Variants in FBXL17 observed in about 807,000 individuals in gnomAD.
FBXL17 encodes the protein F-box/LRR-repeat protein 17.
A neutral mutation model predicts 66.2 loss-of-function variants in FBXL17; 22 were observed. The ratio of observed to expected loss-of-function variants is 0.33; its 90% confidence interval spans 0.24 to 0.47. The LOEUF (loss-of-function observed/expected upper bound fraction) is 0.47. Ranked by LOEUF, FBXL17 falls within the 20% of genes least tolerant of loss-of-function variation. The pLI is 1.00. For missense variants in FBXL17, 878 were observed against 948.2 expected (o/e 0.93, Z 0.97); for synonymous variants, 474 against 400.5 (o/e 1.18, Z -2.19).
At chr5:108,140,355 T>A (rs1751304801) in intron 6 of FBXL17, among the ~76,000 whole-genome samples, 1 of 152,190 alleles carries the variant, frequency 6.6e-6, no homozygotes, top group Admixed American at 6.5e-5. Context: ...ACCCACCATG[T>A]CTTTTGCTAA....
intron 7 of FBXL17, among the ~76,000 whole-genome samples, chr5:107,953,218 C>T (rs545723806): frequency 5.3e-5 from 8 of 151,834 alleles, no homozygotes; most frequent in African/African-American, 7.2e-5. Flanking sequence ...CTGGCTAACA[C>T]GGTGAAACCC....
At chr5:108,301,909 T>C (rs1758607676) in intron 4 of FBXL17, 3 of 379,760 alleles carry the variant, frequency 7.9e-6, no homozygotes, top group Non-Finnish European at 1.1e-5. Context: ...AATCCAGATA[T>C]GTCTCATTCT....
At chr5:107,904,317 C>T (rs2112536892) in intron 7 of FBXL17, among the ~76,000 whole-genome samples, 1 of 152,248 alleles carries the variant, frequency 6.6e-6, no homozygotes, top group Middle Eastern at 3.4e-3. Flanking sequence ...ATCAGTAACT[C>T]ACTATTGATC....
At chr5:108,021,076 G>T in intron 6 of FBXL17, 75 bp from the exon 7 acceptor site, 2 of 1,062,896 alleles carry the variant, frequency 1.9e-6, no homozygotes, top group Non-Finnish European at 2.9e-6. Flanking sequence ...AATAGGAAGA[G>T]GTCAGTATTT....
intron 5 of FBXL17, among the ~76,000 whole-genome samples, chr5:108,213,639 T>C (rs1307873917): frequency 6.6e-6 from 1 of 152,072 alleles, no homozygotes; most frequent in Non-Finnish European, 1.5e-5. Flanking sequence ...CCAGTCCCAG[T>C]GAGATGAACC....
chr5:108,288,985 T>C (rs77937649), intron 4 of FBXL17, among the ~76,000 whole-genome samples: 4,469 of 152,204 alleles, frequency 0.029, 473 homozygotes, highest in East Asian at 0.24. Flanking sequence ...ATGTTCACTA[T>C]TGATGCCATT....
At chr5:107,933,889 T>C (rs1366041452) in intron 7 of FBXL17, among the ~76,000 whole-genome samples, 3 of 152,112 alleles carry the variant, frequency 2.0e-5, no homozygotes, top group Non-Finnish European at 4.4e-5. Context: ...TGTGAACTCA[T>C]ATCCCCCATG....
rs957814060 is a variant in FBXL17 at position 108,224,196 on chromosome 5, T to C, written c.1539A>G (p.Glu513=). Residue 513 remains glutamate (E), a synonymous_variant, in exon 5 of 9, where the codon GAA becomes GAG. Transcript: ENST00000542267. ...VTDQSVKAFA[E]HCPELQYVGF... ...CTACATATTGAAGCTCAGGACAGTG[T>C]TCAGCAAATGCTTTCACTGACTGAT... 3.7e-6 allele frequency: 6 copies of C among 1,609,786 alleles called. No homozygotes were observed. The highest frequency in any genetic ancestry group is 2.7e-5 in the African/African-American group (2 of 74,832).
chr5:108,020,315 A>G (rs1173991299), intron 7 of FBXL17, among the ~76,000 whole-genome samples: 2 of 151,908 alleles, frequency 1.3e-5, no homozygotes, highest in African/African-American at 4.8e-5. Flanking sequence ...GGGCTAGGTT[A>G]TTTTTCTTTA....
chr5:108,362,210 T>G (rs1161508499), intron 3 of FBXL17, among the ~76,000 whole-genome samples: 1 of 152,154 alleles, frequency 6.6e-6, no homozygotes, highest in Admixed American at 6.6e-5. Flanking sequence ...AGATCAAAAT[T>G]TACTAATGTA....
chr5:107,953,729 T>C (rs980968358), intron 7 of FBXL17, among the ~76,000 whole-genome samples: 4 of 152,212 alleles, frequency 2.6e-5, no homozygotes, highest in South Asian at 2.1e-4. Context: ...CGTAAGATCA[T>C]CTTTGACTCC....
chr5:108,085,580 T>C (rs528037900), intron 6 of FBXL17, among the ~76,000 whole-genome samples: 8 of 152,226 alleles, frequency 5.3e-5, no homozygotes, highest in African/African-American at 1.2e-4. Context: ...CTGTGTGCCG[T>C]TGGGGCTCAG....
chr5:108,370,499 C>T (rs1748958962), intron 1 of FBXL17, among the ~76,000 whole-genome samples: 1 of 152,098 alleles, frequency 6.6e-6, no homozygotes, highest in African/African-American at 2.4e-5. Context: ...AATCCCAACA[C>T]TTTGGGAGGC....
intron 6 of FBXL17, among the ~76,000 whole-genome samples, chr5:108,023,587 C>T (rs558885966): frequency 5.3e-4 from 80 of 152,180 alleles, no homozygotes; most frequent in African/African-American, 1.8e-3. Flanking sequence ...GGTGACTATC[C>T]TTTTCTCCTG....
chr5:108,213,538 G>T (rs578255383), intron 5 of FBXL17, among the ~76,000 whole-genome samples: 27 of 152,290 alleles, frequency 1.8e-4, no homozygotes, highest in African/African-American at 6.5e-4. Flanking sequence ...CTGGGTAGGG[G>T]AGAAAATTCC....
At position 108,110,102 on chromosome 5, in the gene FBXL17, C is replaced by T. The variant is rs73208883; in HGVS notation, c.1745+76015G>A. Among the ~76,000 whole-genome samples, 1,111 of 152,096 alleles carry T rather than the reference C, an allele frequency of 7.3e-3. 18 individuals carry two copies. The highest frequency in any genetic ancestry group is 0.025 in the African/African-American group (1,057 of 41,470). On this transcript the variant is annotated intron_variant, in intron 6 of 8. Coordinates refer to ENST00000542267, the MANE Select transcript of FBXL17 (RefSeq NM_001163315.3). ...AGCTTCTAAATGGGAAGGGTGTGCC[C>T]GTAGCTCACACCTCCTCCTTGGCCA...
intron 4 of FBXL17, among the ~76,000 whole-genome samples, chr5:108,305,736 C>G (rs1294980816): frequency 6.6e-6 from 1 of 152,146 alleles, no homozygotes; most frequent in Non-Finnish European, 1.5e-5. Context: ...AGAAAACTAA[C>G]TGCTCAACAA....
intron 4 of FBXL17, among the ~76,000 whole-genome samples, chr5:108,272,294 AAAAT>A (rs961640487): frequency 7.9e-5 from 12 of 152,030 alleles, no homozygotes; most frequent in South Asian, 2.1e-4. Flanking sequence ...ATCTCCAAAA[AAAAT>A]AAATAAATAA....
chr5:108,288,975 A>G lies in FBXL17; in HGVS notation c.1506+59424T>C, dbSNP rs145912346. On this transcript the variant is annotated intron_variant, in intron 4 of 8. Transcript: ENST00000542267. ...TTGGGAAGAAAATGAAAACTGCAGA[A>G]TGTTCACTATTGATGCCATTTATAC... 2.0e-3 allele frequency among the ~76,000 whole-genome samples: 302 copies of G among 152,238 alleles called. 2 individuals carry two copies. The highest frequency in any genetic ancestry group is 7.1e-3 in the African/African-American group (294 of 41,560).
Sources: gnomAD v4.1 joint callset for allele counts (sites outside exome capture counted in the v4.1 genomes callset) on GRCh38, gnomAD v4.1.1 for gene constraint, MANE v1.5 for transcripts, NCBI Gene and HGNC (gene_info 2026-07-23, HGNC 2026-07-21) for gene names.